GDA: variants seen among roughly 807,000 people sequenced by gnomAD.
GDA encodes guanine deaminase.
A neutral mutation model predicts 59.6 loss-of-function variants in GDA; 18 were observed. The ratio of observed to expected loss-of-function variants is 0.30; its 90% CI spans 0.21 to 0.45. The LOEUF (loss-of-function observed/expected upper bound fraction) is 0.45, where lower values mean the gene tolerates loss of function less well. Among genes scored for constraint, GDA ranks in the 20% least tolerant of loss-of-function variants. The pLI is 1.00. For synonymous variants in GDA, 201 were observed against 201.1 expected (o/e 1.00, Z 0.00); for missense variants, 427 against 552.3 (o/e 0.77, Z 2.27).
intron 1 of GDA, among the ~76,000 whole-genome samples, chr9:72,144,221 C>A (rs1826542347): frequency 6.6e-6 from 1 of 152,044 alleles, no homozygotes; most frequent in African/African-American, 2.4e-5. Flanking sequence ...GACTCTACCT[C>A]AAAATACTAA....
intron 10 of GDA, among the ~76,000 whole-genome samples, chr9:72,236,100 G>C (rs1272118089): frequency 1.3e-5 from 2 of 152,104 alleles, no homozygotes; most frequent in Non-Finnish European, 2.9e-5. Context: ...CGAATTCTTA[G>C]ATGTCAGAGT....
chr9:72,217,962 G>A lies in GDA; in HGVS notation c.579-1517G>A, dbSNP rs190682566. On this transcript the variant is annotated intron_variant, in intron 5 of 13. Coordinates refer to ENST00000358399, the MANE Select transcript of GDA (RefSeq NM_004293.5). ...GGAGTCTTCTTCTGTAGCCCAGGCTGGAGTGCAGTGGCACGGTCTCAGCTC... is the reference window on the plus strand; with the variant it reads ...GGAGTCTTCTTCTGTAGCCCAGGCTAGAGTGCAGTGGCACGGTCTCAGCTC... Among the ~76,000 whole-genome samples the A allele has an allele frequency of 1.2e-3, 181 of 151,820 alleles. 1 individual carries two copies. Among genetic ancestry groups the A allele is most frequent in the African/African-American group, 4.2e-3 (173 of 41,360 alleles).
At chr9:72,233,135 T>C (rs752242087) in intron 10 of GDA, among the ~76,000 whole-genome samples, 2 of 152,176 alleles carry the variant, frequency 1.3e-5, no homozygotes, top group Non-Finnish European at 2.9e-5. Context: ...ACCCTTCAAT[T>C]TGTAAACTTT....
intron 5 of GDA, among the ~76,000 whole-genome samples, chr9:72,216,756 A>G (rs1403715081): frequency 6.6e-6 from 1 of 151,992 alleles, no homozygotes; most frequent in Non-Finnish European, 1.5e-5. Context: ...GCTCACTGCA[A>G]GCTCTGCCTC....
intron 1 of GDA, among the ~76,000 whole-genome samples, chr9:72,128,104 G>C (rs367906760): frequency 6.6e-6 from 1 of 152,126 alleles, no homozygotes; most frequent in African/African-American, 2.4e-5. Flanking sequence ...CACAGAGAAA[G>C]GGCTTATGAT....
intron 10 of GDA, among the ~76,000 whole-genome samples, chr9:72,239,427 G>C (rs1343186383): frequency 6.6e-6 from 1 of 151,920 alleles, no homozygotes. Context: ...GCTACTTTCT[G>C]TTATATTTTA....
downstream of GDA, among the ~76,000 whole-genome samples, chr9:72,252,715 C>T (rs1406180757): frequency 6.6e-6 from 1 of 152,150 alleles, no homozygotes; most frequent in Non-Finnish European, 1.5e-5. Context: ...TAAGGAATCA[C>T]CTGCAATTCA....
At position 72,155,490 on chromosome 9, in the gene GDA, AACTGCCTGTG is replaced by A. The variant is rs1319114417; in HGVS notation, c.123+5819_123+5828del. ...AAAGAAGAGCCTTCTAGGTTGAGAG[AACTGCCTGTG>A]ACTGCCTGTGCAAAGGTCCTGGGGT... is the stretch of plus-strand genomic sequence containing the variant. On this transcript the variant is annotated intron_variant, in intron 1 of 13. Transcript: ENST00000358399. Among the ~76,000 whole-genome samples, 20 of 152,300 alleles carry A rather than the reference AACTGCCTGTG, an allele frequency of 1.3e-4. No individual in the cohort carries two copies. The South Asian group carries it at 3.5e-3, about 27-fold the overall frequency.
intron 1 of GDA, among the ~76,000 whole-genome samples, chr9:72,118,380 G>A (rs2130563091): frequency 6.6e-6 from 1 of 151,310 alleles, no homozygotes; most frequent in South Asian, 2.1e-4. Context: ...GATAATTTAT[G>A]GTAATGTCCA....
At chr9:72,226,508 A>G (rs1057097394) in intron 8 of GDA, among the ~76,000 whole-genome samples, 1 of 152,198 alleles carries the variant, frequency 6.6e-6, no homozygotes, top group Admixed American at 6.5e-5. Context: ...AAAAATGAGT[A>G]TGCATTACTC....
Position 72,248,343 on chromosome 9 carries a change from G to A in GDA, c.*1G>A. 1 of 1,613,616 alleles carries A rather than the reference G, an allele frequency of 6.2e-7. No individual in the cohort carries two copies. Among genetic ancestry groups the A allele is most frequent in the Non-Finnish European group, 8.5e-7 (1 of 1,179,566 alleles). On this transcript the variant is annotated 3_prime_UTR_variant, in exon 14 of 14. Transcript: ENST00000358399. The stretch of plus-strand genomic sequence containing the variant: ...GGTTCCGTTTTCCAGCTCAGTGTAA[G>A]ACCCTCGGGCGTCTACAAAGTTCTC...
intron 1 of GDA, among the ~76,000 whole-genome samples, chr9:72,132,426 A>G (rs991342402): frequency 1.2e-4 from 18 of 152,204 alleles, no homozygotes; most frequent in African/African-American, 4.3e-4. Context: ...TCCTAGGACC[A>G]TGGAAAAAAC....
At chr9:72,234,728 A>G (rs998294776) in intron 10 of GDA, among the ~76,000 whole-genome samples, 25 of 152,346 alleles carry the variant, frequency 1.6e-4, no homozygotes, top group African/African-American at 5.3e-4. Context: ...GTAACTGAAC[A>G]TGTTGTGACA....
chr9:72,159,543 G>A (rs1306898636), intron 1 of GDA, among the ~76,000 whole-genome samples: 1 of 151,998 alleles, frequency 6.6e-6, no homozygotes, highest in Non-Finnish European at 1.5e-5. Flanking sequence ...CAATCACAAG[G>A]TAATTATAAT....
chr9:72,198,674 G>A (rs1833520053), intron 2 of GDA, among the ~76,000 whole-genome samples: 1 of 151,902 alleles, frequency 6.6e-6, no homozygotes, highest in African/African-American at 2.4e-5. Context: ...GGATTCTCAG[G>A]CCCATGATGC....
intron 1 of GDA, among the ~76,000 whole-genome samples, chr9:72,180,392 G>A (rs1831040093): frequency 6.6e-6 from 1 of 151,966 alleles, no homozygotes; most frequent in Admixed American, 6.6e-5. Context: ...CAAAGGAATA[G>A]GCTTGTGTAG....
chr9:72,219,405 G>GA (rs1331325923), intron 5 of GDA, 74 bp from the exon 6 acceptor site: 3 of 1,134,888 alleles, frequency 2.6e-6, no homozygotes, highest in African/African-American at 3.1e-5. Context: ...TCTGTCTGAA[G>GA]AAAAAAATAA....
At chr9:72,181,849 T>A (rs1019544671) in intron 1 of GDA, among the ~76,000 whole-genome samples, 3 of 152,150 alleles carry the variant, frequency 2.0e-5, no homozygotes, top group African/African-American at 7.2e-5. Flanking sequence ...ATATACTGTT[T>A]AGTTTTTCAG....
upstream of GDA, among the ~76,000 whole-genome samples, chr9:72,147,322 C>T (rs746731864): frequency 6.6e-6 from 1 of 152,188 alleles, no homozygotes; most frequent in Admixed American, 6.5e-5. Flanking sequence ...ATTTTCCTGC[C>T]TCACCCTCCT....
Sources: gnomAD v4.1 joint callset for allele counts (sites outside exome capture counted in the v4.1 genomes callset) on GRCh38, gnomAD v4.1.1 for gene constraint, MANE v1.5 for transcripts, NCBI Gene and HGNC (gene_info 2026-07-23, HGNC 2026-07-21) for gene names.